Variants in FLT1 observed in about 807,000 individuals in gnomAD.
FLT1 encodes the protein vascular endothelial growth factor receptor 1.
Under a neutral mutation model 156.3 loss-of-function variants are expected in FLT1, and 49 were observed. The observed-to-expected ratio is 0.31, with a 90% CI of 0.25 to 0.40. The LOEUF (loss-of-function observed/expected upper bound fraction) is 0.40, where lower values mean the gene tolerates loss of function less well. Ranked by LOEUF, FLT1 falls within the 10% of genes least tolerant of loss-of-function variation. The pLI is 1.00. For synonymous variants in FLT1, 594 were observed against 583.8 expected (o/e 1.02, Z -0.25); for missense variants, 1,322 against 1,637.2 (o/e 0.81, Z 3.32).
At chr13:28,453,323 A>G (rs1365654216) in intron 3 of FLT1, among the ~76,000 whole-genome samples, 3 of 151,882 alleles carry the variant, frequency 2.0e-5, no homozygotes, top group African/African-American at 7.3e-5. Flanking sequence ...GGGTTTCACC[A>G]TGTTGGTCAG....
chr13:28,399,223 C>T (rs1875270502), intron 11 of FLT1: 3 of 644,614 alleles, frequency 4.7e-6, no homozygotes, highest in African/African-American at 1.9e-5. Context: ...AAACAAGGAG[C>T]TCAGATGAAG....
At chr13:28,397,323 G>A (rs1489861590) in intron 11 of FLT1, among the ~76,000 whole-genome samples, 3 of 152,118 alleles carry the variant, frequency 2.0e-5, no homozygotes, top group Non-Finnish European at 2.9e-5. Context: ...TATTTATCTC[G>A]TGCTGCTGGC....
chr13:28,329,399 A>C (rs1365603381), intron 19 of FLT1, among the ~76,000 whole-genome samples: 1 of 152,220 alleles, frequency 6.6e-6, no homozygotes, highest in Non-Finnish European at 1.5e-5. Context: ...TCAAAAAGGG[A>C]GTCCTCTTCA....
intron 10 of FLT1, among the ~76,000 whole-genome samples, chr13:28,416,634 C>T (rs1412024258): frequency 1.3e-5 from 2 of 152,084 alleles, no homozygotes; most frequent in African/African-American, 4.8e-5. Flanking sequence ...AGCACATATC[C>T]AGCACTTAAC....
intron 18 of FLT1, among the ~76,000 whole-genome samples, chr13:28,329,980 A>G (rs1032786170): frequency 2.6e-5 from 4 of 152,220 alleles, no homozygotes; most frequent in African/African-American, 9.6e-5. Context: ...TGGTGGACCT[A>G]GTTCTCTTCA....
At chr13:28,432,080 T>C (rs1877717225) in intron 6 of FLT1, among the ~76,000 whole-genome samples, 1 of 152,162 alleles carries the variant, frequency 6.6e-6, no homozygotes, top group Non-Finnish European at 1.5e-5. Context: ...CTGCTCACTG[T>C]TTTGAGAAGA....
chr13:28,385,113 C>T, intron 13 of FLT1, 82 bp from the exon 14 acceptor site: 1 of 1,412,438 alleles, frequency 7.1e-7, no homozygotes. Context: ...TTAAAATATA[C>T]AGAGAAACAG....
At chr13:28,460,437 C>T (rs1400255802) in intron 3 of FLT1, among the ~76,000 whole-genome samples, 3 of 152,056 alleles carry the variant, frequency 2.0e-5, no homozygotes, top group Non-Finnish European at 2.9e-5. Flanking sequence ...AACAACAGGG[C>T]CTTGTGTGGA....
At chr13:28,452,246 G>C (rs1368538378) in intron 3 of FLT1, among the ~76,000 whole-genome samples, 2 of 152,136 alleles carry the variant, frequency 1.3e-5, no homozygotes, top group African/African-American at 2.4e-5. Flanking sequence ...GAAAGACCGG[G>C]GGCTTTGGAG....
chr13:28,350,695 C>A (rs3794402), intron 15 of FLT1, among the ~76,000 whole-genome samples: 1 of 152,026 alleles, frequency 6.6e-6, no homozygotes, highest in Non-Finnish European at 1.5e-5. Context: ...ACCAGAGCAC[C>A]TTGTCCCAGG....
chr13:28,387,778 T>TA, intron 13 of FLT1: 4 of 897,480 alleles, frequency 4.5e-6, no homozygotes, highest in Non-Finnish European at 5.2e-6. Context: ...GGGTAACTAA[T>TA]AAAAAACAAA....
intron 10 of FLT1, among the ~76,000 whole-genome samples, chr13:28,420,119 T>C (rs1022550245): frequency 7.2e-4 from 109 of 152,312 alleles, no homozygotes; most frequent in African/African-American, 2.5e-3. Context: ...TTCTCAGGAC[T>C]TTGTATGAAA....
At chr13:28,376,818 G>C (rs1203744867) in intron 14 of FLT1, among the ~76,000 whole-genome samples, 1 of 152,240 alleles carries the variant, frequency 6.6e-6, no homozygotes. Flanking sequence ...AGAGCTGCCA[G>C]TCCTTTAGGC....
rs773436133 is a variant in FLT1 at position 28,312,091 on chromosome 13, T to C, written c.3394A>G (p.Ile1132Val). 13 of 1,607,854 alleles carry C rather than the reference T, an allele frequency of 8.1e-6. No homozygotes were observed. The highest frequency in any genetic ancestry group is 1.1e-5 in the Non-Finnish European group (13 of 1,174,412). ...TCTCTGTGCCAGCAGTCCAGCATGA[T>C]CTGATAGCTGGTGGGGAAAACAGCA... Reference protein sequence around the residue: ...PEYSTPEIYQIMLDCWHRDPK... With the variant: ...PEYSTPEIYQVMLDCWHRDPK... The change falls in exon 26 of 30, where the codon ATC becomes GTC. Residue 1132 changes from isoleucine to valine, a missense_variant. By Grantham distance (29) the Ile-to-Val change is conservative (BLOSUM62 3). Around this residue, in one of 3 missense-constraint regions of FLT1, gnomAD observed 329 missense variants for 366.2 expected, o/e 0.90. Coordinates refer to ENST00000282397, the MANE Select transcript of FLT1 (RefSeq NM_002019.4).
rs2138840514 is a variant in FLT1, at chr13:28,329,706, G to A, written c.2616C>T (p.Tyr872=). The A allele has an allele frequency of 6.2e-7, 1 of 1,614,098 alleles. No homozygotes were observed. The highest frequency in any genetic ancestry group is 1.7e-5 in the Admixed American group (1 of 60,036). ...MLKEGATASE[Y]KALMTELKIL... ...TTTTTAGCTCAGTCATCAGAGCTTTGTACTCGCTGGCCGTGGCCCCCTCTG... is the reference window on the plus strand; with the variant it reads ...TTTTTAGCTCAGTCATCAGAGCTTTATACTCGCTGGCCGTGGCCCCCTCTG... Residue 872 remains tyrosine, a synonymous_variant, in exon 19 of 30, where the codon TAC becomes TAT. Transcript: ENST00000282397.
rs750756366 is a variant in FLT1 at position 28,467,545 on chromosome 13, C to T, written c.137G>A (p.Gly46Asp). ...LKGTQHIMQA[G>D]QTLHLQCRGE... ...CCTGCATTGGAGATGCAGTGTCTGG[C>T]CTGCTTGCATGATGTGCTGGGTGCC... is the stretch of plus-strand genomic sequence containing the variant. The change falls in exon 2 of 30, where the codon GGC becomes GAC. Residue 46 changes from glycine (G) to aspartate (D), a missense_variant. Physicochemically the swap from Gly to Asp is moderately conservative, Grantham distance 94. This residue lies in a region of FLT1 where 991 missense variants were observed against 1,254.8 expected (regional missense o/e 0.79). Transcript: ENST00000282397. 2.0e-5 allele frequency: 32 copies of T among 1,609,576 alleles called. No homozygotes were observed. The highest frequency in any genetic ancestry group is 2.5e-6 in the Non-Finnish European group (3 of 1,177,348).
chr13:28,431,585 A>G (rs1374529675), intron 6 of FLT1, among the ~76,000 whole-genome samples: 1 of 152,208 alleles, frequency 6.6e-6, no homozygotes, highest in South Asian at 2.1e-4. Flanking sequence ...CAACCTAATG[A>G]GATTGGCAGG....
At chr13:28,306,593 A>T in intron 29 of FLT1, 85 bp downstream of exon 29, 1 of 959,844 alleles carries the variant, frequency 1.0e-6, no homozygotes, top group Admixed American at 1.8e-5. Context: ...TAGTCCTCAA[A>T]CATCCCTCAT....
intron 3 of FLT1, among the ~76,000 whole-genome samples, chr13:28,438,601 A>G (rs1484998835): frequency 6.6e-6 from 1 of 152,208 alleles, no homozygotes; most frequent in African/African-American, 2.4e-5. Flanking sequence ...CTTAATATGC[A>G]ATGTGGTATG....
Sources: allele counts gnomAD v4.1 joint callset (sites outside exome capture counted in the v4.1 genomes callset), GRCh38; gene constraint gnomAD v4.1.1; regional missense constraint gnomAD v4.1.1; transcripts MANE v1.5; gene names NCBI Gene and HGNC (gene_info 2026-07-23, HGNC 2026-07-21).